The following OTOA variants were observed in gnomAD, a reference collection of about 807,000 sequenced individuals.
OTOA encodes cancer/testis antigen 108.
OTOA carries 70 observed loss-of-function variants against 110.8 expected under a neutral mutation model. The observed-to-expected ratio is 0.63, with a 90% CI of 0.52 to 0.77. The LOEUF is 0.77. Ranked by LOEUF, OTOA falls within the 30% of genes least tolerant of loss-of-function variation. The probability of loss-of-function intolerance (pLI) is 0.00; values close to 1 mark genes in which losing one functional copy is unlikely to be tolerated. For missense variants in OTOA, 917 were observed against 1,075.8 expected, an observed-to-expected ratio of 0.85 and a Z score of 2.06; for synonymous variants, 373 against 431.5, an observed-to-expected ratio of 0.86 and a Z score of 1.68.
chr16:21,713,667 C>T (rs1898426376), intron 13 of OTOA, among the ~76,000 whole-genome samples: 1 of 152,164 alleles, frequency 6.6e-6, no homozygotes, highest in Non-Finnish European at 1.5e-5. Context: ...GGATTGAACC[C>T]AGGGCACCTG....
chr16:21,698,154 T>G (rs1362985431), intron 10 of OTOA, among the ~76,000 whole-genome samples: 1 of 152,170 alleles, frequency 6.6e-6, no homozygotes, highest in Non-Finnish European at 1.5e-5. Context: ...TTAAAGGGAT[T>G]GTTGGCTATG....
intron 17 of OTOA, chr16:21,721,505 G>A (rs753001654): frequency 2.0e-5 from 9 of 455,938 alleles, no homozygotes; most frequent in South Asian, 7.7e-5. Flanking sequence ...GTACCTGGTC[G>A]AAAATGTCAA....
At chr16:21,728,168 A>G in intron 19 of OTOA, 73 bp from the exon 20 acceptor site, 1 of 1,583,694 alleles carries the variant, frequency 6.3e-7, no homozygotes, top group South Asian at 1.1e-5. Context: ...CCCACCCCAC[A>G]GGATGTGTTT....
intron 2 of OTOA, 67 bp from the exon 3 acceptor site, chr16:21,678,848 C>A (rs1966868747): frequency 6.4e-7 from 1 of 1,570,872 alleles, no homozygotes; most frequent in African/African-American, 1.4e-5. Flanking sequence ...TTTCCTCTAA[C>A]CCATATTTGT....
chr16:21,665,922 C>G (rs1368803820), intron 1 of OTOA, among the ~76,000 whole-genome samples: 1 of 151,928 alleles, frequency 6.6e-6, no homozygotes, highest in Non-Finnish European at 1.5e-5. Context: ...CCTCGACCTC[C>G]CAGGCTCAGG....
intron 1 of OTOA, among the ~76,000 whole-genome samples, chr16:21,671,206 C>A (rs1212507032): frequency 6.6e-6 from 1 of 152,138 alleles, no homozygotes; most frequent in African/African-American, 2.4e-5. Context: ...ATTAACAACT[C>A]ATTTTACCCT....
At position 21,726,397 on chromosome 16, in the gene OTOA, T is replaced by A; in HGVS notation, c.1881-126T>A. 2.2e-6 allele frequency: 3 copies of A among 1,372,892 alleles called. No individual in the cohort carries two copies. The African/African-American group carries it at 4.3e-5, about 20-fold the overall frequency. 85.0% of individuals were successfully genotyped at this position (1,372,892 alleles called of 1,614,324 possible). On this transcript the variant is annotated intron_variant, in intron 18 of 28. Coordinates refer to ENST00000646100, the MANE Select transcript of OTOA (RefSeq NM_144672.4). ...CTACCTGCTGCAGGGAGCCAAAGCA[T>A]CACTGGGAAGAACAAACATTTAAAG...
Position 21,719,470 on chromosome 16 carries a change from T to C in OTOA, c.1772T>C (p.Phe591Ser). 1 of 1,614,144 alleles carries C rather than the reference T, an allele frequency of 6.2e-7. No individual in the cohort carries two copies. The highest frequency in any genetic ancestry group is 8.5e-7 in the Non-Finnish European group (1 of 1,180,018). Residue 591 changes from phenylalanine to serine, a missense_variant, in exon 17 of 29, where the codon TTT (phenylalanine) becomes TCT (serine). Physicochemically the swap from Phe to Ser is radical, Grantham distance 155. Coordinates refer to ENST00000646100, the MANE Select transcript of OTOA (RefSeq NM_144672.4). ...TDFFLAHFQD[F>S]QNNFALLSPY... ...TTCTTTCTGGCCCATTTCCAGGATT[T>C]TCAGAACAACTTCGCCCTGCTTTCA...
intron 1 of OTOA, among the ~76,000 whole-genome samples, chr16:21,670,308 T>C (rs1049391928): frequency 2.0e-5 from 3 of 152,042 alleles, no homozygotes; most frequent in Admixed American, 2.0e-4. Context: ...CTTCGTGCAA[T>C]TTACTGAAGA....
At chr16:21,693,461 T>C (rs935024113) in intron 9 of OTOA, among the ~76,000 whole-genome samples, 2 of 152,240 alleles carry the variant, frequency 1.3e-5, no homozygotes, top group Non-Finnish European at 2.9e-5. Context: ...ACAAAGTCTC[T>C]GCTCTTACGG....
chr16:21,670,193 C>T (rs781387412), intron 1 of OTOA, among the ~76,000 whole-genome samples: 1 of 151,618 alleles, frequency 6.6e-6, no homozygotes, highest in Non-Finnish European at 1.5e-5. Flanking sequence ...TTCAGTGGCT[C>T]CCACCTCCCT....
intron 28 of OTOA, among the ~76,000 whole-genome samples, chr16:21,759,027 A>T (rs1238979852): frequency 1.3e-5 from 2 of 152,116 alleles, no homozygotes; most frequent in African/African-American, 4.8e-5. Flanking sequence ...AACAAAAAAA[A>T]CTTTCCATTG....
intron 21 of OTOA, among the ~76,000 whole-genome samples, chr16:21,735,643 G>A (rs1252783129): frequency 6.6e-6 from 1 of 152,070 alleles, no homozygotes; most frequent in African/African-American, 2.4e-5. Context: ...ACCCAGGCTG[G>A]AGTGCAGTGG....
intron 11 of OTOA, 95 bp from the exon 12 acceptor site, chr16:21,705,074 G>GA: frequency 1.2e-6 from 2 of 1,601,340 alleles, no homozygotes; most frequent in South Asian, 2.2e-5. Context: ...CGTGGCAACT[G>GA]AAAAACAACT....
At chr16:21,666,027 T>A (rs1966839869) in intron 1 of OTOA, among the ~76,000 whole-genome samples, 1 of 152,006 alleles carries the variant, frequency 6.6e-6, no homozygotes, top group East Asian at 1.9e-4. Context: ...CTCCCTATGT[T>A]GCCCAGGCTG....
chr16:21,736,371 C>T lies in OTOA; in HGVS notation c.2412C>T (p.Pro804=), dbSNP rs1471597872. 1 of 1,614,022 alleles carries T rather than the reference C, an allele frequency of 6.2e-7. No individual in the cohort carries two copies. Among genetic ancestry groups the T allele is most frequent in the African/African-American group, 1.3e-5 (1 of 74,910 alleles). Residue 804 remains proline, a synonymous_variant, in exon 22 of 29, where the codon CCC becomes CCT. Coordinates refer to ENST00000646100, the MANE Select transcript of OTOA (RefSeq NM_144672.4). ...TTCGGAACAGCAGTGATAAGATCCCCAGCTATGACCCTATGCCTGGTGAGT... is the reference window on the plus strand; with the variant it reads ...TTCGGAACAGCAGTGATAAGATCCCTAGCTATGACCCTATGCCTGGTGAGT... ...QSVRNSSDKI[P]SYDPMPGCHG...
At chr16:21,713,295 G>A (rs1265566665) in intron 13 of OTOA, among the ~76,000 whole-genome samples, 1 of 152,076 alleles carries the variant, frequency 6.6e-6, no homozygotes, top group African/African-American at 2.4e-5. Flanking sequence ...TTTAAAGCTG[G>A]GTTTGGTATG....
At chr16:21,684,765 A>ATTATTT (rs1273487436) in intron 6 of OTOA, among the ~76,000 whole-genome samples, 2 of 33,826 alleles carry the variant, frequency 5.9e-5, no homozygotes, top group African/African-American at 1.5e-4. Flanking sequence ...TATTATTATT[A>ATTATTT]TTTTTTAGGT....
intron 1 of OTOA, among the ~76,000 whole-genome samples, chr16:21,671,546 C>A (rs1966849012): frequency 7.2e-6 from 1 of 139,362 alleles, no homozygotes. Flanking sequence ...TACATTGCAC[C>A]ACTGCACTCC....
Sources: gnomAD v4.1 joint callset for allele counts (sites outside exome capture counted in the v4.1 genomes callset) on GRCh38, gnomAD v4.1.1 for gene constraint, MANE v1.5 for transcripts, NCBI Gene and HGNC (gene_info 2026-07-23, HGNC 2026-07-21) for gene names.